Variants in DENND4A observed in about 807,000 individuals in gnomAD.
The protein encoded by DENND4A is DENN domain containing 4A, also known as C-myc promoter-binding protein.
A neutral mutation model predicts 199.3 loss-of-function variants in DENND4A; 70 were observed. That is an observed-to-expected ratio of 0.35 (90% CI 0.29 to 0.43). The LOEUF is 0.43. DENND4A is among the 20% of genes least tolerant of loss of function. DENND4A has a pLI of 1.00. For synonymous variants in DENND4A, 686 were observed against 766.9 expected (o/e 0.89, Z 1.74); for missense variants, 1,723 against 2,255.8 (o/e 0.76, Z 4.78).
chr15:65,710,833 G>A (rs770681605), intron 14 of DENND4A, among the ~76,000 whole-genome samples: 2 of 152,088 alleles, frequency 1.3e-5, no homozygotes, highest in African/African-American at 4.8e-5. Flanking sequence ...GAGTTCTCTC[G>A]AGATCTGTTT....
At position 65,691,147 on chromosome 15, in the gene DENND4A, A is replaced by G. The variant is rs747217000; in HGVS notation, c.3447T>C (p.Phe1149=). ...TATCTGCCAAATAGTTAGAACCATC[A>G]AAAGGTGTATCATCATCACTAGATT... ...EKESSDDDTP[F]DGSNYLADKV... Residue 1149 remains phenylalanine (F), a synonymous_variant, in exon 23 of 33, where the codon TTT becomes TTC. Transcript: ENST00000443035. 6.2e-7 allele frequency: 1 copy of G among 1,613,430 alleles called. No individual in the cohort carries two copies. The highest frequency in any genetic ancestry group is 8.5e-7 in the Non-Finnish European group (1 of 1,179,738).
intron 4 of DENND4A, among the ~76,000 whole-genome samples, chr15:65,744,031 G>C (rs948678327): frequency 6.6e-6 from 1 of 152,090 alleles, no homozygotes; most frequent in Non-Finnish European, 1.5e-5. Context: ...GGGGGTGGGA[G>C]ACAAGGAAGA....
chr15:65,698,726 CTTTTTTTTT>C (rs71139423), intron 20 of DENND4A, among the ~76,000 whole-genome samples: 5 of 72,762 alleles, frequency 6.9e-5, no homozygotes, highest in Non-Finnish European at 1.0e-4. Flanking sequence ...TTAAGATAGC[CTTTTTTTTT>C]TTTTTTTTTT....
Position 65,667,608 on chromosome 15 carries a change from T to G in DENND4A, c.5082A>C (p.Leu1694Phe), listed in dbSNP as rs1425970309. The G allele has an allele frequency of 6.2e-7, 1 of 1,613,986 alleles. No individual in the cohort carries two copies. Among genetic ancestry groups the G allele is most frequent in the African/African-American group, 1.3e-5 (1 of 75,048 alleles). ...PLVVWKELES[L>F]LENEGDHAIT... ...TTGCATGATCACCTTCATTTTCCAATAAGCTTTCAAGTTCTTTCCATACCA... is the reference window on the plus strand; with the variant it reads ...TTGCATGATCACCTTCATTTTCCAAGAAGCTTTCAAGTTCTTTCCATACCA... The change falls in exon 29 of 33, where the codon TTA (leucine) becomes TTC (phenylalanine). Residue 1694 changes from leucine (L) to phenylalanine (F), a missense_variant. Leu to Phe is a conservative substitution (Grantham distance 22). Transcript: ENST00000443035.
intron 4 of DENND4A, among the ~76,000 whole-genome samples, chr15:65,752,171 C>G (rs997632671): frequency 6.9e-6 from 1 of 144,558 alleles, no homozygotes; most frequent in African/African-American, 2.6e-5. Context: ...AAAAAAAGTA[C>G]TTTGCATAGT....
Position 65,702,904 on chromosome 15 carries a change from CTAT to C in DENND4A, c.2189_2191del (p.Asn730del), listed in dbSNP as rs766299383. On this transcript the variant is annotated inframe_deletion, in exon 16 of 33. Transcript: ENST00000443035. ...TGTTCTTCTGAACATGGGCAAAGGG[CTAT>C]TAGGACTACTTGATTTTGAAGGCAA... 2 of 1,613,160 alleles carry C rather than the reference CTAT, an allele frequency of 1.2e-6. No homozygotes were observed. The highest frequency in any genetic ancestry group is 8.5e-7 in the Non-Finnish European group (1 of 1,179,458).
intron 4 of DENND4A, among the ~76,000 whole-genome samples, chr15:65,747,237 T>C (rs1005755745): frequency 1.3e-5 from 2 of 152,166 alleles, no homozygotes; most frequent in African/African-American, 2.4e-5. Flanking sequence ...TCACAAATTT[T>C]TGCAATTTTA....
At chr15:65,696,321 A>T (rs375255414) in intron 22 of DENND4A, 45 bp downstream of exon 22, 7 of 1,583,634 alleles carry the variant, frequency 4.4e-6, no homozygotes, top group Admixed American at 1.8e-5. Context: ...AGTCATACAG[A>T]TACAATTTAT....
intron 4 of DENND4A, among the ~76,000 whole-genome samples, chr15:65,747,293 A>C (rs2076429091): frequency 6.6e-6 from 1 of 152,186 alleles, no homozygotes; most frequent in Admixed American, 6.5e-5. Flanking sequence ...AAAATACTGT[A>C]ATTATGTTCT....
At chr15:65,700,417 A>G (rs977504488) in intron 20 of DENND4A, 127 bp downstream of exon 20, 1 of 392,052 alleles carries the variant, frequency 2.6e-6, no homozygotes, top group Non-Finnish European at 4.2e-6. Flanking sequence ...CAAATAAAAT[A>G]CATAATATAT....
At chr15:65,698,195 G>C (rs2077217101) in intron 20 of DENND4A, among the ~76,000 whole-genome samples, 1 of 152,136 alleles carries the variant, frequency 6.6e-6, no homozygotes, top group Non-Finnish European at 1.5e-5. Context: ...CTTGAGCTCA[G>C]GAGTTCAAGG....
At chr15:65,752,281 C>CAAAA (rs61418354) in intron 4 of DENND4A, 98 bp downstream of exon 4, 120 of 272,658 alleles carry the variant, frequency 4.4e-4, no homozygotes, top group African/African-American at 3.0e-3. Flanking sequence ...TGCTGTTTTC[C>CAAAA]AAAAAAAAAA....
chr15:65,725,131 T>A (rs1322983698), intron 11 of DENND4A, among the ~76,000 whole-genome samples: 1 of 152,202 alleles, frequency 6.6e-6, no homozygotes, highest in Non-Finnish European at 1.5e-5. Flanking sequence ...TGGTCTATGA[T>A]CATCTTCTTA....
chr15:65,700,642 C>T lies in DENND4A; in HGVS notation c.2735G>A (p.Gly912Asp). ...TGTCCCATGACCACTATCCATGCTG[C>T]CATGACTAACAGCATCCAGGTCACT... is the stretch of plus-strand genomic sequence containing the variant. The part of the protein sequence containing the change: ...DGSDLDAVSH[G>D]SMDSGHGTHT... Residue 912 changes from glycine (G) to aspartate (D), a missense_variant, in exon 20 of 33, where the codon GGC becomes GAC. Gly to Asp is a moderately conservative substitution (Grantham distance 94). Transcript: ENST00000443035. The T allele has an allele frequency of 6.5e-7, 1 of 1,545,300 alleles. No individual in the cohort carries two copies. The highest frequency in any genetic ancestry group is 8.7e-7 in the Non-Finnish European group (1 of 1,144,780).
At chr15:65,672,997 A>T (rs898380991) in intron 24 of DENND4A, among the ~76,000 whole-genome samples, 20 of 151,834 alleles carry the variant, frequency 1.3e-4, no homozygotes, top group African/African-American at 4.8e-4. Context: ...AGTAGCTGGG[A>T]CTACATGCGC....
intron 14 of DENND4A, chr15:65,715,261 T>A (rs1322767919): frequency 5.0e-6 from 2 of 402,280 alleles, no homozygotes; most frequent in Admixed American, 4.7e-5. Context: ...ATAAAACTTA[T>A]GATTACAATT....
intron 22 of DENND4A, among the ~76,000 whole-genome samples, chr15:65,694,672 TATA>T (rs2077085096): frequency 6.6e-6 from 1 of 152,176 alleles, no homozygotes. Flanking sequence ...TGTACAAGTA[TATA>T]ATAAGTATTT....
At chr15:65,745,090 A>G (rs1320549859) in intron 4 of DENND4A, among the ~76,000 whole-genome samples, 1 of 152,206 alleles carries the variant, frequency 6.6e-6, no homozygotes, top group Non-Finnish European at 1.5e-5. Context: ...GATGAATAAC[A>G]ATGAGAAGAT....
chr15:65,741,600 G>A lies in DENND4A; in HGVS notation c.631+115C>T, dbSNP rs560148434. 3.3e-4 allele frequency: 221 copies of A among 661,368 alleles called. 1 individual carries two copies. The highest frequency in any genetic ancestry group is 2.6e-3 in the Middle Eastern group (10 of 3,814). The allele number at this position is 661,368 out of a possible 1,614,324, so 41.0% of individuals were successfully genotyped here. A position where few individuals can be genotyped will look rare whatever the true frequency, so the allele number is the denominator to read the frequency against. On this transcript the variant is annotated intron_variant, in intron 5 of 32. Coordinates refer to ENST00000443035, the MANE Select transcript of DENND4A (RefSeq NM_001320835.1). ...GACAAAAATGAGAATCAGAAGATACGGATTGTAGTCCCAGTCCTGATACTA... is the reference window on the plus strand; with the variant it reads ...GACAAAAATGAGAATCAGAAGATACAGATTGTAGTCCCAGTCCTGATACTA...
Sources: gnomAD v4.1 joint callset for allele counts (sites outside exome capture counted in the v4.1 genomes callset) on GRCh38, gnomAD v4.1.1 for gene constraint, MANE v1.5 for transcripts, NCBI Gene and HGNC (gene_info 2026-07-23, HGNC 2026-07-21) for gene names.